FANCL: variants seen among roughly 807,000 people sequenced by gnomAD.
FANCL encodes E3 ubiquitin-protein ligase FANCL.
A neutral mutation model predicts 59.4 loss-of-function variants in FANCL; 69 were observed. The ratio of observed to expected loss-of-function variants is 1.16; its 90% CI spans 0.96 to 1.42. FANCL has a LOEUF of 1.42. FANCL is among the 40% of genes most tolerant of loss of function. The pLI is 0.00. For missense variants in FANCL, 519 were observed against 447.2 expected (o/e 1.16, Z -1.45); for synonymous variants, 180 against 147.1 (o/e 1.22, Z -1.62).
intron 5 of FANCL, among the ~76,000 whole-genome samples, chr2:58,219,062 C>T (rs1692142595): frequency 6.9e-6 from 1 of 143,944 alleles, no homozygotes. Context: ...AACCAGGACT[C>T]CTTGGAAAAA....
chr2:58,190,938 TAGG>T (rs1688864503), intron 7 of FANCL, among the ~76,000 whole-genome samples: 1 of 151,866 alleles, frequency 6.6e-6, no homozygotes. Context: ...TTAGTGATGC[TAGG>T]AGGTCATATT....
chr2:58,206,976 T>G (rs1690651191), intron 5 of FANCL, among the ~76,000 whole-genome samples: 1 of 152,128 alleles, frequency 6.6e-6, no homozygotes, highest in Non-Finnish European at 1.5e-5. Flanking sequence ...TTCTCCAGTT[T>G]GGTAATAGGA....
chr2:58,170,159 G>A (rs1686422224), intron 7 of FANCL, among the ~76,000 whole-genome samples: 1 of 152,148 alleles, frequency 6.6e-6, no homozygotes, highest in Non-Finnish European at 1.5e-5. Flanking sequence ...ACCCACAAAG[G>A]GAAGCCCATC....
At chr2:58,217,215 TAC>T (rs368257506) in intron 5 of FANCL, among the ~76,000 whole-genome samples, 288 of 20,656 alleles carry the variant, frequency 0.014, 2 homozygotes, top group South Asian at 0.022. Flanking sequence ...TATATATATA[TAC>T]ACACACACAC....
At position 58,172,696 on chromosome 2, in the gene FANCL, C is replaced by A. The variant is rs191050487; in HGVS notation, c.541-6822G>T. On this transcript the variant is annotated intron_variant, in intron 7 of 13. Transcript: ENST00000233741. ...ACCACAAAGATGGGGAAAAAACAGA[C>A]CAGAAAAACTGGAAACTCTAAAAAG... Among the ~76,000 whole-genome samples the A allele has an allele frequency of 1.2e-3, 189 of 152,224 alleles. 1 individual carries two copies. The highest frequency in any genetic ancestry group is 3.3e-4 in the Admixed American group (5 of 15,288).
At position 58,159,304 on chromosome 2, in the gene FANCL, A is replaced by AACTC; in HGVS notation, c.*457_*460dup. 1.4e-6 allele frequency: 2 copies of AACTC among 1,409,932 alleles called. No homozygotes were observed. Among genetic ancestry groups the AACTC allele is most frequent in the Non-Finnish European group, 1.9e-6 (2 of 1,033,694 alleles). 87.3% of individuals were successfully genotyped at this position (1,409,932 alleles called of 1,614,324 possible). A position where few individuals can be genotyped will look rare whatever the true frequency, so the allele number is the denominator to read the frequency against. ...CACTACACAAAATAAATACTTGGAT[A>AACTC]ACTCACGTCTAACAAACTAAACTAT... is the stretch of plus-strand genomic sequence containing the variant. On this transcript the variant is annotated 3_prime_UTR_variant, in exon 14 of 14. Transcript: ENST00000233741.
At chr2:58,195,753 A>G (rs924488780) in intron 7 of FANCL, among the ~76,000 whole-genome samples, 1 of 152,192 alleles carries the variant, frequency 6.6e-6, no homozygotes, top group Non-Finnish European at 1.5e-5. Context: ...CTATAAACTT[A>G]TAAGAAGGTC....
intron 7 of FANCL, 74 bp downstream of exon 7, chr2:58,198,520 C>A (rs1689666022): frequency 7.2e-6 from 9 of 1,254,254 alleles, no homozygotes; most frequent in Non-Finnish European, 1.0e-5. Context: ...ATAATCCCCC[C>A]ATGGATACTC....
At chr2:58,209,793 A>T (rs1690946669) in intron 5 of FANCL, among the ~76,000 whole-genome samples, 1 of 152,228 alleles carries the variant, frequency 6.6e-6, no homozygotes, top group Admixed American at 6.5e-5. Context: ...TGGTATAATT[A>T]TTGGAATGAA....
chr2:58,159,530 C>A lies in FANCL; in HGVS notation c.*235G>T. 6.2e-7 allele frequency: 1 copy of A among 1,613,808 alleles called. No individual in the cohort carries two copies. Among genetic ancestry groups the A allele is most frequent in the Non-Finnish European group, 8.5e-7 (1 of 1,179,806 alleles). ...TCTCCATCTTGGTATAAATACACTT[C>A]CACAGTCAGCACGGGGATCACAGAC... On this transcript the variant is annotated 3_prime_UTR_variant, in exon 14 of 14. Coordinates refer to ENST00000233741, the MANE Select transcript of FANCL (RefSeq NM_018062.4).
At chr2:58,166,179 C>G (rs1389475648) in intron 7 of FANCL, among the ~76,000 whole-genome samples, 1 of 151,954 alleles carries the variant, frequency 6.6e-6, no homozygotes, top group East Asian at 1.9e-4. Context: ...GATGTATGTA[C>G]ACACAACTTT....
intron 5 of FANCL, among the ~76,000 whole-genome samples, chr2:58,219,171 A>AATATATATACAT (rs1692202233): frequency 2.6e-4 from 5 of 19,260 alleles, no homozygotes; most frequent in Non-Finnish European, 3.6e-4. Context: ...AAAAAAAAAA[A>AATATATATACAT]ATATATATAT....
chr2:58,219,428 T>C (rs76883767), intron 5 of FANCL, among the ~76,000 whole-genome samples: 4,050 of 151,550 alleles, frequency 0.027, 222 homozygotes, highest in African/African-American at 0.093. Context: ...TCTGTGTAAA[T>C]ACTGTGCCCT....
intron 4 of FANCL, among the ~76,000 whole-genome samples, chr2:58,222,830 C>A (rs1404724339): frequency 6.6e-6 from 1 of 151,632 alleles, no homozygotes; most frequent in African/African-American, 2.4e-5. Flanking sequence ...AAGTATCAAA[C>A]GGTATTACAA....
chr2:58,204,234 G>A lies in FANCL; in HGVS notation c.375-8C>T, dbSNP rs2105148626. 2 of 1,607,402 alleles carry A rather than the reference G, an allele frequency of 1.2e-6. No individual in the cohort carries two copies. Among genetic ancestry groups the A allele is most frequent in the Non-Finnish European group, 1.7e-6 (2 of 1,174,018 alleles). ...GTATCCGCATACACAAGTCTGGTGA[G>A]CAGAGGAGAATAAAAAATGATCACA... On this transcript the variant is annotated splice_polypyrimidine_tract_variant and splice_region_variant and intron_variant, in intron 5 of 13. Coordinates refer to ENST00000233741, the MANE Select transcript of FANCL (RefSeq NM_018062.4).
Position 58,159,286 on chromosome 2 carries a change from C to CAAAAT in FANCL, c.*474_*478dup, listed in dbSNP as rs2104755295. 9.1e-6 allele frequency: 12 copies of CAAAAT among 1,323,082 alleles called. No homozygotes were observed. Among genetic ancestry groups the CAAAAT allele is most frequent in the East Asian group, 4.6e-5 (2 of 43,234 alleles). The allele number at this position is 1,323,082 out of a possible 1,614,324, so 82.0% of individuals were successfully genotyped here. ...TTATTTAGCATTCTTACACACTACA[C>CAAAAT]AAAATAAATACTTGGATAACTCACG... On this transcript the variant is annotated 3_prime_UTR_variant, in exon 14 of 14. Coordinates refer to ENST00000233741, the MANE Select transcript of FANCL (RefSeq NM_018062.4).
chr2:58,175,556 C>A (rs1345676451), intron 7 of FANCL, among the ~76,000 whole-genome samples: 1 of 152,078 alleles, frequency 6.6e-6, no homozygotes, highest in Non-Finnish European at 1.5e-5. Flanking sequence ...TCAATAGATG[C>A]AGATAAGGCC....
In FANCL at chr2:58,181,883, T is replaced by C. The variant is rs546882336; in HGVS notation, c.541-16009A>G. On this transcript the variant is annotated intron_variant, in intron 7 of 13. Transcript: ENST00000233741. Reference sequence around the variant, plus strand: ...AAATTATTATTTCTGGATTAGGTTATAGACTAATTTGCTTCATTTAAAAAA... The same window carrying C: ...AAATTATTATTTCTGGATTAGGTTACAGACTAATTTGCTTCATTTAAAAAA... 6.6e-5 allele frequency among the ~76,000 whole-genome samples: 10 copies of C among 152,014 alleles called. No individual in the cohort carries two copies. In the East Asian group the frequency reaches 1.9e-3, roughly 29 times the overall value.
chr2:58,234,827 T>G (rs1184675597), intron 1 of FANCL, among the ~76,000 whole-genome samples: 4 of 152,034 alleles, frequency 2.6e-5, no homozygotes, highest in Admixed American at 2.6e-4. Flanking sequence ...TAGAAAATGT[T>G]AAGAAACTGA....
Sources: allele counts gnomAD v4.1 joint callset (sites outside exome capture counted in the v4.1 genomes callset), GRCh38; gene constraint gnomAD v4.1.1; transcripts MANE v1.5; gene names NCBI Gene and HGNC (gene_info 2026-07-23, HGNC 2026-07-21).